MTG1: variants seen among roughly 807,000 people sequenced by gnomAD.
The protein encoded by MTG1 is mitochondrial ribosome-associated GTPase 1.
MTG1 carries 30 observed loss-of-function variants against 39.5 expected under a neutral mutation model. The ratio of observed to expected loss-of-function variants is 0.76; its 90% CI spans 0.57 to 1.03. The LOEUF (loss-of-function observed/expected upper bound fraction) is 1.03. MTG1 is among the 50% of genes least tolerant of loss of function. The probability of loss-of-function intolerance (pLI) is 0.00; values close to 1 mark genes in which losing one functional copy is unlikely to be tolerated. For missense variants in MTG1, 513 were observed against 447.4 expected (o/e 1.15, Z -1.32); for synonymous variants, 217 against 179.0 (o/e 1.21, Z -1.69).
chr10:133,404,032 T>TATTTGTCA (rs1458897107), intron 9 of MTG1, among the ~76,000 whole-genome samples: 35 of 151,986 alleles, frequency 2.3e-4, no homozygotes, highest in African/African-American at 7.7e-4. Context: ...TTCATGTGCT[T>TATTTGTCA]ATTTGTCATC....
In MTG1 at chr10:133,420,841, C is replaced by G. The variant is rs116634431; in HGVS notation, c.*676C>G. 6.6e-6 allele frequency: 1 copy of G among 152,358 alleles called. No individual in the cohort carries two copies. Among genetic ancestry groups the G allele is most frequent in the African/African-American group, 2.4e-5 (1 of 41,452 alleles). 9.4% of individuals were successfully genotyped at this position (152,358 alleles called of 1,614,324 possible). On this transcript the variant is annotated 3_prime_UTR_variant, in exon 11 of 11. Transcript: ENST00000317502. Reference sequence around the variant, plus strand: ...GCTGTGCAATGACTGGAAGGCCGCCCGGCATGGGCAGTAGAGACCCCTGGC... The same window carrying G: ...GCTGTGCAATGACTGGAAGGCCGCCGGGCATGGGCAGTAGAGACCCCTGGC...
intron 9 of MTG1, among the ~76,000 whole-genome samples, chr10:133,410,561 T>A (rs1352883502): frequency 6.6e-6 from 1 of 152,246 alleles, no homozygotes. Flanking sequence ...CTATGTATTA[T>A]ATGTAGTGTA....
In MTG1 at chr10:133,421,200, C is replaced by T. The variant is rs1445993318; in HGVS notation, c.*1035C>T. 2 of 152,582 alleles carry T rather than the reference C, an allele frequency of 1.3e-5. No individual in the cohort carries two copies. Among genetic ancestry groups the T allele is most frequent in the Non-Finnish European group, 2.9e-5 (2 of 68,182 alleles). 9.5% of individuals were successfully genotyped at this position (152,582 alleles called of 1,614,324 possible). A position where few individuals can be genotyped will look rare whatever the true frequency, so the allele number is the denominator to read the frequency against. On this transcript the variant is annotated 3_prime_UTR_variant, in exon 11 of 11. Coordinates refer to ENST00000317502, the MANE Select transcript of MTG1 (RefSeq NM_138384.4). ...GCCCCATACCCCACACACTCATCAG[C>T]CTGAAGTTAGCCCCTGAGTGCCACC... is the stretch of plus-strand genomic sequence containing the variant.
rs1849746140 is a variant in MTG1, at chr10:133,394,284, CT to C, written c.65del (p.Leu22ArgfsTer18). On this transcript the variant is annotated frameshift_variant, in exon 1 of 11. Transcript: ENST00000317502. LOFTEE classifies it high-confidence loss of function. Reference protein sequence around the residue: ...AQAAWRENFPLCGRDVARWFP... With the variant: ...AQAAWRENFPXCGRDVARWFP... Reference sequence around the variant, plus strand: ...GGCCGCCTGGCGGGAGAACTTCCCCCTGTGCGGTCGCGACGTGGCGCGCTGG... The same window carrying C: ...GGCCGCCTGGCGGGAGAACTTCCCCCGTGCGGTCGCGACGTGGCGCGCTGG... The C allele has an allele frequency of 1.3e-6, 2 of 1,517,604 alleles. No homozygotes were observed. Among genetic ancestry groups the C allele is most frequent in the Non-Finnish European group, 1.8e-6 (2 of 1,137,140 alleles). The allele number at this position is 1,517,604 out of a possible 1,614,324, so 94.0% of individuals were successfully genotyped here.
Position 133,401,580 on chromosome 10 carries a change from C to T in MTG1, c.563C>T (p.Ser188Phe), listed in dbSNP as rs375107080. The T allele has an allele frequency of 1.9e-6, 3 of 1,611,988 alleles. No individual in the cohort carries two copies. The highest frequency in any genetic ancestry group is 2.5e-6 in the Non-Finnish European group (3 of 1,178,634). Residue 188 changes from serine (S) to phenylalanine (F), a missense_variant, in exon 7 of 11, where the codon TCC becomes TTC. Ser to Phe is a radical substitution (Grantham distance 155). Transcript: ENST00000317502. The stretch of plus-strand genomic sequence containing the variant: ...CCTGGGATCACCAGAGCTGTGATGT[C>T]CAAAATTCAGGTGGAGTCCTCAGGG... ...GEPGITRAVM[S>F]KIQVSERPLM... is the part of the protein sequence containing the mutation.
At chr10:133,416,711 T>C (rs1053144967) in intron 9 of MTG1, among the ~76,000 whole-genome samples, 15 of 147,194 alleles carry the variant, frequency 1.0e-4, no homozygotes, top group East Asian at 2.0e-4. Context: ...ATTTCATCCA[T>C]GTCCCTACAA....
At position 133,396,169 on chromosome 10, in the gene MTG1, C is replaced by G. The variant is rs748560492; in HGVS notation, c.184C>G (p.Leu62Val). 4 of 1,613,802 alleles carry G rather than the reference C, an allele frequency of 2.5e-6. No homozygotes were observed. Among genetic ancestry groups the G allele is most frequent in the Non-Finnish European group, 3.4e-6 (4 of 1,179,826 alleles). ...TTTACCTTAATTTTGCCACATCCCA[C>G]TTTCAGGCCGCAACCCTCTGTTTCA... ...IIEVHDARIPLSGRNPLFQET... is the reference protein window; with the variant it reads ...IIEVHDARIPVSGRNPLFQET... Residue 62 changes from leucine (L) to valine (V), a missense_variant, in exon 3 of 11, where the codon CTT becomes GTT. Leu to Val is a conservative substitution (Grantham distance 32, BLOSUM62 1). Transcript: ENST00000317502.
In MTG1 at chr10:133,420,106, T is replaced by C. The variant is rs957446501; in HGVS notation, c.946T>C (p.Ser316Pro). Reference sequence around the variant, plus strand: ...GACTTTCCGCCGTGGGCTGCTGGGTTCCGTGATGCTGGACCTCGACGTCCT... The same window carrying C: ...GACTTTCCGCCGTGGGCTGCTGGGTCCCGTGATGCTGGACCTCGACGTCCT... ...LQTFRRGLLGSVMLDLDVLRG... is the reference protein window; with the variant it reads ...LQTFRRGLLGPVMLDLDVLRG... The change falls in exon 11 of 11, where the codon TCC becomes CCC. Residue 316 changes from serine to proline, a missense_variant. Physicochemically the swap from Ser to Pro is moderately conservative, Grantham distance 74. Transcript: ENST00000317502. The C allele has an allele frequency of 6.2e-7, 1 of 1,613,536 alleles. No homozygotes were observed. The highest frequency in any genetic ancestry group is 1.3e-5 in the African/African-American group (1 of 75,068).
At chr10:133,398,082 C>T (rs530942598) in intron 3 of MTG1, among the ~76,000 whole-genome samples, 1 of 152,276 alleles carries the variant, frequency 6.6e-6, no homozygotes, top group African/African-American at 2.4e-5. Flanking sequence ...ATCTCTCCAT[C>T]CGTGTCATCT....
chr10:133,409,900 CTTTT>C (rs202081065), intron 9 of MTG1, among the ~76,000 whole-genome samples: 1 of 133,050 alleles, frequency 7.5e-6, no homozygotes, highest in African/African-American at 2.8e-5. Context: ...TATTCCTGCT[CTTTT>C]TTTTTTTTTT....
intron 9 of MTG1, among the ~76,000 whole-genome samples, chr10:133,414,170 GCCCTTAATCCATTTAA>G (rs1850087354): frequency 1.3e-5 from 2 of 150,714 alleles, no homozygotes; most frequent in Non-Finnish European, 2.9e-5. Context: ...ATCTTGCACT[GCCCTTAATCCATTTAA>G]CCCTGAGTGG....
chr10:133,394,553 C>T (rs1849752339), intron 1 of MTG1: 2 of 1,336,134 alleles, frequency 1.5e-6, no homozygotes, highest in South Asian at 1.8e-5. Flanking sequence ...CGCGAGTGCC[C>T]CCGCGGCGCA....
chr10:133,404,817 G>A (rs1849946286), intron 9 of MTG1, among the ~76,000 whole-genome samples: 2 of 152,006 alleles, frequency 1.3e-5, no homozygotes, highest in African/African-American at 4.8e-5. Context: ...CCACTGAATT[G>A]TCTTTGCATC....
At chr10:133,412,718 A>G (rs962202971) in intron 9 of MTG1, among the ~76,000 whole-genome samples, 1 of 152,220 alleles carries the variant, frequency 6.6e-6, no homozygotes, top group East Asian at 1.9e-4. Context: ...GTTGAAGAGA[A>G]CAGTCTGGCT....
rs1416914371 is a variant in MTG1 at position 133,402,142 on chromosome 10, C to T, written c.574-7C>T. ...GCGGCCTGATCATGCCCTCTGTGCC[C>T]ACACAGGTCTCTGAGCGGCCCCTGA... On this transcript the variant is annotated splice_region_variant and splice_polypyrimidine_tract_variant and intron_variant, in intron 7 of 10. Transcript: ENST00000317502. This position sits in a 1 kb window ranked among gnomAD's most constrained non-coding sequence, Gnocchi z 4.7. 1 of 1,614,012 alleles carries T rather than the reference C, an allele frequency of 6.2e-7. No individual in the cohort carries two copies. Among genetic ancestry groups the T allele is most frequent in the South Asian group, 1.1e-5 (1 of 91,086 alleles).
intron 9 of MTG1, among the ~76,000 whole-genome samples, chr10:133,413,794 A>C (rs1370182704): frequency 6.6e-6 from 1 of 152,178 alleles, no homozygotes; most frequent in Admixed American, 6.5e-5. Flanking sequence ...TATAACCTCC[A>C]GATATACTTT....
rs1276889060 is a variant in MTG1, at chr10:133,420,278, G to A, written c.*113G>A. ...CAGAAGCTCCATGCTGGTCACTAGG[G>A]TGCTGTGCTCTCTGGCGCCCCACAG... On this transcript the variant is annotated 3_prime_UTR_variant, in exon 11 of 11. Transcript: ENST00000317502. 2.3e-6 allele frequency: 3 copies of A among 1,325,412 alleles called. No homozygotes were observed. Among genetic ancestry groups the A allele is most frequent in the African/African-American group, 1.5e-5 (1 of 67,432 alleles). 82.1% of individuals were successfully genotyped at this position (1,325,412 alleles called of 1,614,324 possible).
At chr10:133,397,784 T>G (rs1323706485) in intron 3 of MTG1, among the ~76,000 whole-genome samples, 2 of 151,666 alleles carry the variant, frequency 1.3e-5, no homozygotes, top group South Asian at 2.1e-4. Flanking sequence ...AGCCTGTTTT[T>G]TTTTTTTTTT....
rs1398484038 is a variant in MTG1 at position 133,395,795 on chromosome 10, A to T, written c.177+18A>T. The T allele has an allele frequency of 2.5e-6, 4 of 1,612,838 alleles. No homozygotes were observed. The highest frequency in any genetic ancestry group is 3.4e-6 in the Non-Finnish European group (4 of 1,179,112). ...ATGCCCGGATATCCTTTCACAGAGC[A>T]GGGGAGGCCCCTCTGCCTGAAGTCA... On this transcript the variant is annotated intron_variant, in intron 2 of 10. Coordinates refer to ENST00000317502, the MANE Select transcript of MTG1 (RefSeq NM_138384.4).
Sources: allele counts gnomAD v4.1 joint callset (sites outside exome capture counted in the v4.1 genomes callset), GRCh38; gene constraint gnomAD v4.1.1; non-coding constraint Gnocchi (gnomAD v3.1); transcripts MANE v1.5; gene names NCBI Gene and HGNC (gene_info 2026-07-23, HGNC 2026-07-21).